The following KHDRBS2 variants were observed in gnomAD, a reference collection of about 807,000 sequenced individuals.
KHDRBS2 encodes KH RNA binding domain containing, signal transduction associated 2, also known as KH domain-containing, RNA-binding, signal transduction-associated protein 2.
A neutral mutation model predicts 44.3 loss-of-function variants in KHDRBS2; 26 were observed. The ratio of observed to expected loss-of-function variants is 0.59; its 90% confidence interval spans 0.43 to 0.81. The LOEUF (loss-of-function observed/expected upper bound fraction) is 0.81, where lower values mean the gene tolerates loss of function less well. Among genes scored for constraint, KHDRBS2 ranks in the 40% least tolerant of loss-of-function variants. KHDRBS2 has a pLI of 0.00. For missense variants in KHDRBS2, 476 were observed against 433.1 expected, an observed-to-expected ratio of 1.10 and a Z score of -0.88; for synonymous variants, 194 against 151.1, an observed-to-expected ratio of 1.28 and a Z score of -2.08.
At chr6:61,704,392 A>T (rs1769152655) in intron 7 of KHDRBS2, among the ~76,000 whole-genome samples, 2 of 151,808 alleles carry the variant, frequency 1.3e-5, no homozygotes, top group South Asian at 4.1e-4. Flanking sequence ...GAAACCCTAA[A>T]AATAAGTAGG....
At chr6:62,256,409 T>TG (rs538228091) in intron 1 of KHDRBS2, among the ~76,000 whole-genome samples, 1 of 151,900 alleles carries the variant, frequency 6.6e-6, no homozygotes, top group African/African-American at 2.4e-5. Flanking sequence ...AATTAAATCA[T>TG]GGGGGGTGAG....
intron 3 of KHDRBS2, among the ~76,000 whole-genome samples, chr6:62,044,544 G>A (rs1787255982): frequency 6.6e-6 from 1 of 151,808 alleles, no homozygotes; most frequent in Non-Finnish European, 1.5e-5. Context: ...ACATTTTGTA[G>A]TACCTTAGCA....
chr6:62,183,702 C>T (rs1319248634), intron 1 of KHDRBS2, among the ~76,000 whole-genome samples: 3 of 151,414 alleles, frequency 2.0e-5, no homozygotes, highest in Non-Finnish European at 4.4e-5. Flanking sequence ...TAATGAAGAA[C>T]ATGGAATTCG....
chr6:61,559,793 T>C, the KHDRBS2 span, among the ~76,000 whole-genome samples: 1,310 of 152,282 alleles, frequency 8.6e-3, 10 homozygotes, highest in Non-Finnish European at 0.012. Flanking sequence ...GTTGTAGTTA[T>C]TTTTTTGATT....
At chr6:62,075,053 T>C (rs748274510) in intron 2 of KHDRBS2, among the ~76,000 whole-genome samples, 7 of 151,976 alleles carry the variant, frequency 4.6e-5, no homozygotes. Context: ...TGAGACAAAG[T>C]GAGAGTAACA....
intron 1 of KHDRBS2, among the ~76,000 whole-genome samples, chr6:62,184,393 G>A (rs1823004764): frequency 6.6e-6 from 1 of 151,598 alleles, no homozygotes; most frequent in South Asian, 2.1e-4. Context: ...ACTTTGCCAC[G>A]AATATCTGCA....
At chr6:62,089,366 C>A (rs536210182) in intron 2 of KHDRBS2, among the ~76,000 whole-genome samples, 1 of 151,852 alleles carries the variant, frequency 6.6e-6, no homozygotes, top group African/African-American at 2.4e-5. Context: ...GTGGTGCAGG[C>A]ACCTGAGGGA....
At chr6:61,709,052 A>T (rs969421528) in intron 7 of KHDRBS2, among the ~76,000 whole-genome samples, 1 of 151,748 alleles carries the variant, frequency 6.6e-6, no homozygotes, top group African/African-American at 2.4e-5. Flanking sequence ...TACTTGAAGT[A>T]TCAATGAGAT....
At chr6:61,888,983 T>A (rs78070643) in intron 6 of KHDRBS2, among the ~76,000 whole-genome samples, 5,755 of 152,154 alleles carry the variant, frequency 0.038, 141 homozygotes, top group Non-Finnish European at 0.054. Flanking sequence ...TAAATGAAGT[T>A]CAAAGTGCTT....
At chr6:62,030,007 CAAA>C (rs1562678969) in intron 3 of KHDRBS2, among the ~76,000 whole-genome samples, 1 of 151,942 alleles carries the variant, frequency 6.6e-6, no homozygotes, top group East Asian at 1.9e-4. Flanking sequence ...AGAGTTCCAA[CAAA>C]AGACATGCAC....
intron 2 of KHDRBS2, among the ~76,000 whole-genome samples, chr6:62,051,821 G>A (rs1199177557): frequency 6.6e-6 from 1 of 151,742 alleles, no homozygotes; most frequent in Admixed American, 6.6e-5. Flanking sequence ...ATGGGCAAAA[G>A]ATCTAAATAG....
At chr6:62,203,493 T>A (rs1827390604) in intron 1 of KHDRBS2, among the ~76,000 whole-genome samples, 2 of 152,124 alleles carry the variant, frequency 1.3e-5, no homozygotes, top group African/African-American at 4.8e-5. Context: ...CCACTGGTAG[T>A]TGCATAAAAT....
the KHDRBS2 span, among the ~76,000 whole-genome samples, chr6:61,622,619 G>A: frequency 2.6e-5 from 4 of 152,146 alleles, no homozygotes; most frequent in Admixed American, 1.3e-4. Flanking sequence ...CAAACTCAGC[G>A]TTAGAGGGGC....
At chr6:62,207,238 T>G (rs1395910164) in intron 1 of KHDRBS2, among the ~76,000 whole-genome samples, 1 of 152,056 alleles carries the variant, frequency 6.6e-6, no homozygotes, top group African/African-American at 2.4e-5. Flanking sequence ...GATAAAGCAT[T>G]ATATAAAAAT....
At chr6:61,794,589 T>C (rs1292529686) in intron 6 of KHDRBS2, among the ~76,000 whole-genome samples, 2 of 152,118 alleles carry the variant, frequency 1.3e-5, no homozygotes, top group Non-Finnish European at 2.9e-5. Context: ...TCTAAAAATA[T>C]TTGAAATTTC....
At position 61,709,751 on chromosome 6, in the gene KHDRBS2, G is replaced by A. The variant is rs568902300; in HGVS notation, c.894-12498C>T. Among the ~76,000 whole-genome samples the A allele has an allele frequency of 4.0e-5, 6 of 151,680 alleles. No homozygotes were observed. The East Asian group carries it at 9.7e-4, about 25-fold the overall frequency. On this transcript the variant is annotated intron_variant, in intron 7 of 8. Coordinates refer to ENST00000281156, the MANE Select transcript of KHDRBS2 (RefSeq NM_152688.4). ...CTAATTAGGCTCAGTGGTACATGAC[G>A]TTATTAAATGAACTGTTACATGCTT... is the stretch of plus-strand genomic sequence containing the variant.
At chr6:62,070,659 G>A (rs1350374580) in intron 2 of KHDRBS2, among the ~76,000 whole-genome samples, 1 of 152,104 alleles carries the variant, frequency 6.6e-6, no homozygotes. Flanking sequence ...CCCCTACAAA[G>A]GACATGAACT....
At chr6:62,238,088 G>A (rs1156367387) in intron 1 of KHDRBS2, among the ~76,000 whole-genome samples, 3 of 151,398 alleles carry the variant, frequency 2.0e-5, no homozygotes, top group Non-Finnish European at 4.4e-5. Flanking sequence ...TAGTTTCTTG[G>A]TAAAAGCAAA....
chr6:62,011,359 C>A (rs1270306464), intron 3 of KHDRBS2, among the ~76,000 whole-genome samples: 1 of 151,916 alleles, frequency 6.6e-6, no homozygotes, highest in Admixed American at 6.6e-5. Context: ...ACACATTGCA[C>A]ACGAAAATAA....
Sources: allele counts gnomAD v4.1 joint callset (sites outside exome capture counted in the v4.1 genomes callset), GRCh38; gene constraint gnomAD v4.1.1; transcripts MANE v1.5; gene names NCBI Gene and HGNC (gene_info 2026-07-23, HGNC 2026-07-21).